RANBP2: variants seen among roughly 807,000 people sequenced by gnomAD.
RANBP2 encodes RAN binding protein 2.
RANBP2 carries 57 observed loss-of-function variants against 303.6 expected under a neutral mutation model. The ratio of observed to expected loss-of-function variants is 0.19; its 90% CI spans 0.15 to 0.23. The LOEUF (loss-of-function observed/expected upper bound fraction) is 0.23. Among genes scored for constraint, RANBP2 ranks in the 10% least tolerant of loss-of-function variants. The probability of loss-of-function intolerance (pLI) is 1.00; values close to 1 mark genes in which losing one functional copy is unlikely to be tolerated. For missense variants in RANBP2, 3,138 were observed against 3,780.8 expected, an observed-to-expected ratio of 0.83 and a Z score of 4.46; for synonymous variants, 1,167 against 1,301.5, an observed-to-expected ratio of 0.90 and a Z score of 2.23.
chr2:108,998,982 A>C, the RANBP2 span, among the ~76,000 whole-genome samples: 2 of 152,294 alleles, frequency 1.3e-5, no homozygotes, highest in East Asian at 3.9e-4. Context: ...CGGCAGCAAA[A>C]GGTTTGTGGT....
the RANBP2 span, among the ~76,000 whole-genome samples, chr2:109,345,878 G>C: frequency 6.6e-6 from 1 of 152,170 alleles, no homozygotes; most frequent in Admixed American, 6.5e-5. Context: ...GTGTTTGGCA[G>C]TGTCCCTGGT....
At chr2:109,568,863 C>G in the RANBP2 span, among the ~76,000 whole-genome samples, 2 of 152,100 alleles carry the variant, frequency 1.3e-5, no homozygotes, top group Non-Finnish European at 2.9e-5. Flanking sequence ...GTATGTACTA[C>G]TATCTTAAAA....
chr2:109,523,382 A>T, the RANBP2 span, among the ~76,000 whole-genome samples: 1 of 152,066 alleles, frequency 6.6e-6, no homozygotes, highest in Non-Finnish European at 1.5e-5. Flanking sequence ...CTTGGTGAGG[A>T]TGCTCAGGGT....
chr2:108,983,386 A>G, the RANBP2 span, among the ~76,000 whole-genome samples: 122 of 152,304 alleles, frequency 8.0e-4, no homozygotes, highest in East Asian at 0.012. Context: ...GGTAATGTTT[A>G]TTACCCAAGG....
chr2:108,926,713 T>C, the RANBP2 span, among the ~76,000 whole-genome samples: 2 of 152,250 alleles, frequency 1.3e-5, no homozygotes, highest in African/African-American at 4.8e-5. Context: ...CTGCTCATTG[T>C]TCAGCAAGTG....
rs903180199 is a variant in RANBP2 at position 108,784,051 on chromosome 2, A to G, written c.*150A>G. The G allele has an allele frequency of 8.4e-6, 6 of 714,586 alleles. No homozygotes were observed. The African/African-American group carries it at 8.9e-5, about 11-fold the overall frequency. The allele number at this position is 714,586 out of a possible 1,614,324, so 44.3% of individuals were successfully genotyped here. On this transcript the variant is annotated 3_prime_UTR_variant, in exon 29 of 29. Transcript: ENST00000283195. ...CAGCTTATAGCTGTTGTCACTTTTT[A>G]ATGTGTTATAATTGACCTTGCATGG...
the RANBP2 span, among the ~76,000 whole-genome samples, chr2:109,674,410 C>CA: frequency 0.28 from 20,872 of 75,278 alleles, 2,895 homozygotes; most frequent in African/African-American, 0.42. Context: ...CTTGTGTCTC[C>CA]AAAAAAAAAA....
At chr2:109,187,827 C>T in the RANBP2 span, among the ~76,000 whole-genome samples, 1 of 152,230 alleles carries the variant, frequency 6.6e-6, no homozygotes, top group African/African-American at 2.4e-5. Context: ...GCCATTGTGA[C>T]CAGGACCCCA....
chr2:109,552,961 GA>G, the RANBP2 span: 1 of 1,075,896 alleles, frequency 9.3e-7, no homozygotes, highest in Non-Finnish European at 1.3e-6. Context: ...CTATGTGTTG[GA>G]AAAGCTACTC....
chr2:109,727,928 T>G, the RANBP2 span, among the ~76,000 whole-genome samples: 4 of 152,156 alleles, frequency 2.6e-5, no homozygotes, highest in Non-Finnish European at 4.4e-5. Context: ...GCCACTTCCT[T>G]ATCAAGAGGC....
the RANBP2 span, among the ~76,000 whole-genome samples, chr2:108,863,643 A>G: frequency 1.3e-5 from 2 of 152,200 alleles, no homozygotes; most frequent in South Asian, 2.1e-4. Context: ...ATATTTCTAC[A>G]TAACCTTTGT....
the RANBP2 span, among the ~76,000 whole-genome samples, chr2:109,158,347 G>A: frequency 6.6e-6 from 1 of 152,318 alleles, no homozygotes. Flanking sequence ...ACGCTTAGGT[G>A]TCCTCTTCTC....
chr2:108,853,115 A>C, the RANBP2 span, among the ~76,000 whole-genome samples: 1 of 152,234 alleles, frequency 6.6e-6, no homozygotes, highest in African/African-American at 2.4e-5. Context: ...TGTTTGTAAT[A>C]ATGAGAAAAG....
At chr2:109,305,205 A>G in the RANBP2 span, among the ~76,000 whole-genome samples, 25 of 152,228 alleles carry the variant, frequency 1.6e-4, no homozygotes, top group East Asian at 3.3e-3. Flanking sequence ...ATGTTCTAAT[A>G]TATCTCTTTC....
downstream of RANBP2, chr2:108,788,085 C>A: frequency 2.5e-6 from 4 of 1,601,202 alleles, no homozygotes; most frequent in Non-Finnish European, 3.4e-6. Context: ...CTCTAACCTC[C>A]CCAGGTAAGC....
chr2:108,776,532 A>G (rs1346508082), intron 24 of RANBP2, among the ~76,000 whole-genome samples: 2 of 152,292 alleles, frequency 1.3e-5, no homozygotes, highest in East Asian at 1.9e-4. Flanking sequence ...CAGTGTCACA[A>G]ATATTACATT....
At chr2:109,287,294 G>T in the RANBP2 span, among the ~76,000 whole-genome samples, 3 of 152,120 alleles carry the variant, frequency 2.0e-5, 1 homozygote, top group Non-Finnish European at 4.4e-5. Context: ...AATAACCCTG[G>T]ATTCCTGATG....
At chr2:109,065,285 C>G in the RANBP2 span, among the ~76,000 whole-genome samples, 1 of 152,180 alleles carries the variant, frequency 6.6e-6, no homozygotes, top group East Asian at 1.9e-4. Context: ...GTATTTAAGT[C>G]ATTAGTGCAC....
the RANBP2 span, among the ~76,000 whole-genome samples, chr2:109,766,223 C>T: frequency 6.6e-6 from 1 of 151,262 alleles, no homozygotes; most frequent in African/African-American, 2.4e-5. Context: ...AGAGTGGCTT[C>T]CAGGGCTAGG....
Sources: allele counts gnomAD v4.1 joint callset (sites outside exome capture counted in the v4.1 genomes callset), GRCh38; gene constraint gnomAD v4.1.1; transcripts MANE v1.5; gene names NCBI Gene and HGNC (gene_info 2026-07-23, HGNC 2026-07-21).